The following SH3KBP1 variants were observed in gnomAD, a reference collection of about 807,000 sequenced individuals.
SH3KBP1 encodes SH3 domain containing kinase binding protein 1.
Under a neutral mutation model 50.1 loss-of-function variants are expected in SH3KBP1, and 8 were observed. The ratio of observed to expected loss-of-function variants is 0.16; its 90% CI spans 0.09 to 0.29. The LOEUF (loss-of-function observed/expected upper bound fraction) is 0.29. SH3KBP1 is among the 10% of genes least tolerant of loss of function. SH3KBP1 has a pLI of 1.00. For synonymous variants in SH3KBP1, 227 were observed against 218.6 expected, an observed-to-expected ratio of 1.04 and a Z score of -0.34; for missense variants, 377 against 535.2, an observed-to-expected ratio of 0.70 and a Z score of 2.92.
chrX:19,705,045 G>C (rs190100767), intron 4 of SH3KBP1, among the ~76,000 whole-genome samples: 170 of 112,074 alleles, frequency 1.5e-3, no homozygotes, highest in Non-Finnish European at 2.1e-3. Flanking sequence ...AAATTCACCA[G>C]TTCTTCTATG....
intron 8 of SH3KBP1, among the ~76,000 whole-genome samples, chrX:19,610,856 T>C (rs780488210): frequency 4.5e-5 from 5 of 111,956 alleles, no homozygotes; most frequent in African/African-American, 1.6e-4. Context: ...GATACAGAAC[T>C]ATGCCCACAA....
intron 1 of SH3KBP1, among the ~76,000 whole-genome samples, chrX:19,873,303 T>TAC (rs1569493067): frequency 1.0e-5 from 1 of 100,460 alleles, no homozygotes; most frequent in African/African-American, 3.7e-5. Context: ...TATATATATA[T>TAC]ATATATATAC....
intron 1 of SH3KBP1, among the ~76,000 whole-genome samples, chrX:19,883,719 A>G (rs1160624945): frequency 2.7e-5 from 3 of 111,750 alleles, no homozygotes; most frequent in Non-Finnish European, 3.8e-5. Flanking sequence ...CACATTAATC[A>G]TGTCTGAACA....
chrX:19,728,281 G>A (rs750648178), intron 3 of SH3KBP1, among the ~76,000 whole-genome samples: 2 of 111,197 alleles, frequency 1.8e-5, no homozygotes, highest in South Asian at 3.8e-4. Flanking sequence ...TAAACGTCAC[G>A]TCAGCACATA....
intron 1 of SH3KBP1, among the ~76,000 whole-genome samples, chrX:19,886,020 GA>G (rs984382888): frequency 9.2e-6 from 1 of 108,863 alleles, no homozygotes; most frequent in African/African-American, 3.3e-5. Flanking sequence ...ATACTGCTAC[GA>G]AAAAAAAAGG....
chrX:19,577,618 T>C (rs1216327330), intron 12 of SH3KBP1, among the ~76,000 whole-genome samples: 1 of 110,654 alleles, frequency 9.0e-6, no homozygotes. Context: ...CATGGCCCAA[T>C]TTAGCCTGCG....
intron 1 of SH3KBP1, among the ~76,000 whole-genome samples, chrX:19,852,254 A>G (rs2068530193): frequency 9.0e-6 from 1 of 111,202 alleles, no homozygotes; most frequent in Non-Finnish European, 1.9e-5. Context: ...AGATCGTTCC[A>G]GCCCCCAGCT....
At chrX:19,787,200 T>G (rs941807860) in intron 2 of SH3KBP1, among the ~76,000 whole-genome samples, 1 of 111,863 alleles carries the variant, frequency 8.9e-6, no homozygotes, top group Non-Finnish European at 1.9e-5. Flanking sequence ...ATTTCTGTAC[T>G]ACACCTTCTC....
chrX:19,544,911 C>T, intron 15 of SH3KBP1, among the ~76,000 whole-genome samples: 1 of 111,569 alleles, frequency 9.0e-6, no homozygotes, highest in Non-Finnish European at 1.9e-5. Context: ...GTAGAGACAC[C>T]CCAGGGATGT....
At chrX:19,569,383 G>A (rs761022879) in intron 12 of SH3KBP1, among the ~76,000 whole-genome samples, 195 bp from the exon 13 acceptor site, 3 of 112,083 alleles carry the variant, frequency 2.7e-5, no homozygotes, top group Non-Finnish European at 5.6e-5. Flanking sequence ...GGCTGGATGC[G>A]TCCCTCTCCA....
intron 8 of SH3KBP1, among the ~76,000 whole-genome samples, chrX:19,620,652 A>T (rs933574917): frequency 1.8e-5 from 2 of 111,841 alleles, no homozygotes; most frequent in Non-Finnish European, 3.8e-5. Context: ...AAAGGCTCCA[A>T]TGTGAAAGAT....
intron 1 of SH3KBP1, among the ~76,000 whole-genome samples, chrX:19,877,328 G>C (rs2069284765): frequency 8.9e-6 from 1 of 111,801 alleles, no homozygotes; most frequent in South Asian, 3.7e-4. Flanking sequence ...TATGTAAAAT[G>C]CTCATCAAAA....
At chrX:19,550,114 C>A in intron 13 of SH3KBP1, 31 bp from the exon 14 acceptor site, 1 of 974,245 alleles carries the variant, frequency 1.0e-6, no homozygotes, top group Non-Finnish European at 1.5e-6. Context: ...TTTTAAGAGC[C>A]AAAATAGGAG....
intron 16 of SH3KBP1, among the ~76,000 whole-genome samples, chrX:19,541,002 C>T (rs1236708255): frequency 1.8e-5 from 2 of 110,811 alleles, no homozygotes; most frequent in Non-Finnish European, 3.8e-5. Flanking sequence ...GCAACCTCCT[C>T]CTCCTGGGTT....
intron 2 of SH3KBP1, among the ~76,000 whole-genome samples, chrX:19,773,856 G>GAAAAA (rs59381892): frequency 5.4e-4 from 8 of 14,916 alleles, no homozygotes; most frequent in Admixed American, 9.7e-4. Flanking sequence ...ACTCCGGCTC[G>GAAAAA]AAAAAAAAAA....
intron 9 of SH3KBP1, among the ~76,000 whole-genome samples, chrX:19,605,200 A>T (rs2067207734): frequency 9.0e-6 from 1 of 110,777 alleles, no homozygotes; most frequent in African/African-American, 3.3e-5. Flanking sequence ...ATTAGAAGGC[A>T]TGCTTTACCC....
At chrX:19,561,923 T>C (rs758882596) in intron 13 of SH3KBP1, among the ~76,000 whole-genome samples, 6 of 109,162 alleles carry the variant, frequency 5.5e-5, no homozygotes, top group Non-Finnish European at 9.5e-5. Context: ...CTATAGGTTA[T>C]GCAAAGGTAA....
intron 2 of SH3KBP1, among the ~76,000 whole-genome samples, chrX:19,768,922 A>C (rs776157595): frequency 1.9e-5 from 2 of 103,458 alleles, no homozygotes; most frequent in African/African-American, 7.0e-5. Context: ...ACACACACAC[A>C]CATTTGGGTT....
At chrX:19,693,375 T>C (rs1474787942) in intron 5 of SH3KBP1, among the ~76,000 whole-genome samples, 1 of 112,012 alleles carries the variant, frequency 8.9e-6, no homozygotes, top group Non-Finnish European at 1.9e-5. Context: ...GATAGATGGA[T>C]ATGAACCAAC....
Sources: gnomAD v4.1 joint callset for allele counts (sites outside exome capture counted in the v4.1 genomes callset) on GRCh38, gnomAD v4.1.1 for gene constraint, MANE v1.5 for transcripts, NCBI Gene and HGNC (gene_info 2026-07-23, HGNC 2026-07-21) for gene names.